TAPBP: variants seen among roughly 807,000 people sequenced by gnomAD.
The protein encoded by TAPBP is TAP binding protein.
In TAPBP, 38 loss-of-function variants were observed where a neutral mutation model predicts 45.7. The ratio of observed to expected loss-of-function variants is 0.83; its 90% CI spans 0.64 to 1.09. TAPBP has a LOEUF of 1.09. Ranked by LOEUF, TAPBP falls within the 50% of genes least tolerant of loss-of-function variation. The pLI, the probability that TAPBP is intolerant of heterozygous loss-of-function variation, is 0.00. For synonymous variants in TAPBP, 226 were observed against 254.8 expected (o/e 0.89, Z 1.08); for missense variants, 513 against 587.3 (o/e 0.87, Z 1.31).
At chr6:33,306,343 C>G (rs1009666505) in intron 3 of TAPBP, among the ~76,000 whole-genome samples, 1 of 152,228 alleles carries the variant, frequency 6.6e-6, no homozygotes, top group South Asian at 2.1e-4. Flanking sequence ...GTTACTCAGA[C>G]TCATTTATTC....
intron 7 of TAPBP, among the ~76,000 whole-genome samples, chr6:33,301,974 A>G: frequency 6.6e-6 from 1 of 152,106 alleles, no homozygotes; most frequent in Admixed American, 6.6e-5. Context: ...TAATCCTCCT[A>G]AAAGTCCTCT....
chr6:33,301,549 G>C lies in TAPBP; in HGVS notation c.*211C>G. On this transcript the variant is annotated 3_prime_UTR_variant, in exon 8 of 8. Coordinates refer to ENST00000434618, the MANE Select transcript of TAPBP (RefSeq NM_003190.5). The stretch of plus-strand genomic sequence containing the variant: ...AGATCATGCCACTGCACTGCAGCCT[G>C]GGCGGAAGAGTGAGACTCCGTCTCA... 1 of 586,080 alleles carries C rather than the reference G, an allele frequency of 1.7e-6. No homozygotes were observed. 36.3% of individuals were successfully genotyped at this position (586,080 alleles called of 1,614,324 possible). A position where few individuals can be genotyped will look rare whatever the true frequency, so the allele number is the denominator to read the frequency against.
chr6:33,311,760 A>G (rs1377966459), intron 3 of TAPBP, among the ~76,000 whole-genome samples: 2 of 152,188 alleles, frequency 1.3e-5, no homozygotes, highest in African/African-American at 2.4e-5. Flanking sequence ...CATGTCCTTC[A>G]CTTTCTACTT....
At position 33,305,476 on chromosome 6, in the gene TAPBP, G is replaced by A; in HGVS notation, c.470-89C>T. 1 of 1,369,820 alleles carries A rather than the reference G, an allele frequency of 7.3e-7. No homozygotes were observed. The highest frequency in any genetic ancestry group is 9.7e-7 in the Non-Finnish European group (1 of 1,028,820). 84.9% of individuals were successfully genotyped at this position (1,369,820 alleles called of 1,614,324 possible). ...ATAGAGAAATGCAGTTATTGGGGAG[G>A]GCTAAACTGCAGTTTACCCACCCCT... On this transcript the variant is annotated intron_variant, in intron 3 of 7. Coordinates refer to ENST00000434618, the MANE Select transcript of TAPBP (RefSeq NM_003190.5). The surrounding 1 kb of genome is among the most constrained non-coding windows in gnomAD (Gnocchi z 4.4).
intron 3 of TAPBP, among the ~76,000 whole-genome samples, chr6:33,306,750 G>A (rs1176118374): frequency 1.3e-5 from 2 of 152,164 alleles, no homozygotes; most frequent in Admixed American, 1.3e-4. Flanking sequence ...AGGACGAGGC[G>A]GGTGGATCAC....
rs765085409 is a variant in TAPBP, at chr6:33,313,445, G to C, written c.241C>G (p.Arg81Gly). The C allele has an allele frequency of 6.3e-7, 1 of 1,591,732 alleles. No homozygotes were observed. Among genetic ancestry groups the C allele is most frequent in the Non-Finnish European group, 8.6e-7 (1 of 1,166,004 alleles). The change falls in exon 3 of 8, where the codon CGG (arginine) becomes GGG (glycine). Residue 81 changes from arginine to glycine, a missense_variant. Physicochemically the swap from Arg to Gly is moderately radical, Grantham distance 125 (BLOSUM62 -2). Coordinates refer to ENST00000434618, the MANE Select transcript of TAPBP (RefSeq NM_003190.5). The surrounding 1 kb of genome is among the most constrained non-coding windows in gnomAD (Gnocchi z 7.2). ...PAGALQAAFR[R>G]YPRGAPAPHC... The stretch of plus-strand genomic sequence containing the variant: ...GGTGCGGGGGCGCCCCGGGGATACC[G>C]CCTGAAGGCAGCCTGGAGGGCGCCC...
chr6:33,303,655 A>AT, intron 7 of TAPBP: 4 of 1,299,690 alleles, frequency 3.1e-6, no homozygotes, highest in South Asian at 1.5e-5. Context: ...GTTTCTGCTT[A>AT]TTTTTTTAAT....
intron 3 of TAPBP, among the ~76,000 whole-genome samples, chr6:33,311,317 C>T (rs564363156): frequency 2.0e-5 from 3 of 151,466 alleles, no homozygotes; most frequent in South Asian, 2.1e-4. Flanking sequence ...AGGGAGACTC[C>T]GTCTCAAAAA....
rs1170609483 is a variant in TAPBP at position 33,314,074 on chromosome 6, T to A, written c.-33A>T. ...CGACCTCCTCAGCCATGAAGCCTCC[T>A]CTTCCTCCTTTCACTTTCACTTTCC... On this transcript the variant is annotated 5_prime_UTR_variant, in exon 1 of 8. Transcript: ENST00000434618. The A allele has an allele frequency of 6.2e-7, 1 of 1,610,730 alleles. No homozygotes were observed. Among genetic ancestry groups the A allele is most frequent in the Non-Finnish European group, 8.5e-7 (1 of 1,177,744 alleles).
chr6:33,302,951 C>G (rs1310792234), intron 7 of TAPBP, among the ~76,000 whole-genome samples: 2 of 152,078 alleles, frequency 1.3e-5, no homozygotes, highest in Admixed American at 1.3e-4. Context: ...CCTGTAATTT[C>G]TTATATTGTT....
chr6:33,313,857 C>G lies in TAPBP; in HGVS notation c.45G>C (p.Ala15=). 1 of 1,613,686 alleles carries G rather than the reference C, an allele frequency of 6.2e-7. No individual in the cohort carries two copies. Among genetic ancestry groups the G allele is most frequent in the Non-Finnish European group, 8.5e-7 (1 of 1,180,000 alleles). The change falls in exon 2 of 8, where the codon GCG becomes GCC. Residue 15 remains alanine (A), a synonymous_variant. Coordinates refer to ENST00000434618, the MANE Select transcript of TAPBP (RefSeq NM_003190.5). This position sits in a 1 kb window ranked among gnomAD's most constrained non-coding sequence, Gnocchi z 7.2. ...SLLLAVALGL[A]TAVSAGPAVI... is the part of the protein sequence containing the mutation. ...CCGCGGGTCCTGCTGAGACGGCGGT[C>G]GCCAGGCCTGGCGTATAGGGACGCG...
Position 33,301,645 on chromosome 6 carries a change from A to G in TAPBP, c.*115T>C. 1.1e-6 allele frequency: 1 copy of G among 872,548 alleles called. No homozygotes were observed. Among genetic ancestry groups the G allele is most frequent in the Non-Finnish European group, 1.8e-6 (1 of 542,808 alleles). 54.1% of individuals were successfully genotyped at this position (872,548 alleles called of 1,614,324 possible). ...AAAAAAAAAAGCATTCCAGCCACTC[A>G]GTGGAGAGAGATTGGAGGGATTAGG... is the stretch of plus-strand genomic sequence containing the variant. On this transcript the variant is annotated 3_prime_UTR_variant, in exon 8 of 8. Coordinates refer to ENST00000434618, the MANE Select transcript of TAPBP (RefSeq NM_003190.5).
intron 3 of TAPBP, among the ~76,000 whole-genome samples, chr6:33,310,256 A>T (rs1769255620): frequency 6.6e-6 from 1 of 151,758 alleles, no homozygotes; most frequent in Non-Finnish European, 1.5e-5. Flanking sequence ...CTGTAATCCC[A>T]GCAATTTGGG....
chr6:33,308,364 A>G (rs1769113055), intron 3 of TAPBP, among the ~76,000 whole-genome samples: 1 of 152,016 alleles, frequency 6.6e-6, no homozygotes, highest in Admixed American at 6.6e-5. Context: ...ACATAATAAA[A>G]ACAGGCTTTT....
chr6:33,312,758 G>A (rs1025801944), intron 3 of TAPBP, among the ~76,000 whole-genome samples: 1 of 152,244 alleles, frequency 6.6e-6, no homozygotes, highest in Non-Finnish European at 1.5e-5. Flanking sequence ...TGTGGGCGCA[G>A]GTGGGGATAG....
Position 33,313,837 on chromosome 6 carries a change from G to A in TAPBP, c.65C>T (p.Pro22Leu). 6.2e-7 allele frequency: 1 copy of A among 1,613,888 alleles called. No individual in the cohort carries two copies. ...CACGAACCAACACTCGATCACCGCG[G>A]GTCCTGCTGAGACGGCGGTCGCCAG... Reference protein sequence around the residue: ...LGLATAVSAGPAVIECWFVED... With the variant: ...LGLATAVSAGLAVIECWFVED... Residue 22 changes from proline (P) to leucine (L), a missense_variant, in exon 2 of 8, where the codon CCC becomes CTC. By Grantham distance (98) the Pro-to-Leu change is moderately conservative. Coordinates refer to ENST00000434618, the MANE Select transcript of TAPBP (RefSeq NM_003190.5). This position sits in a 1 kb window ranked among gnomAD's most constrained non-coding sequence, Gnocchi z 7.2.
rs1056271625 is a variant in TAPBP at position 33,300,197 on chromosome 6, A to C, written c.*1563T>G. 1.3e-5 allele frequency: 2 copies of C among 153,848 alleles called. No homozygotes were observed. The highest frequency in any genetic ancestry group is 3.9e-4 in the East Asian group (2 of 5,190). 9.5% of individuals were successfully genotyped at this position (153,848 alleles called of 1,614,324 possible). On this transcript the variant is annotated 3_prime_UTR_variant, in exon 8 of 8. Transcript: ENST00000434618. ...GAGCACCATCTAGGGCTGAAGAACT[A>C]GGCAGTGGCTCCAGCGCGGGGCGGT...
rs759356578 is a variant in TAPBP, at chr6:33,309,599, C to CTTTTTT, written c.469+3612_469+3617dup. 1.2e-4 allele frequency among the ~76,000 whole-genome samples: 11 copies of CTTTTTT among 91,454 alleles called. 1 individual carries two copies. The highest frequency in any genetic ancestry group is 3.1e-4 in the African/African-American group (7 of 22,778). The allele number at this position is 91,454 out of a possible 152,430, so 60.0% of individuals were successfully genotyped here. On this transcript the variant is annotated intron_variant, in intron 3 of 7. Coordinates refer to ENST00000434618, the MANE Select transcript of TAPBP (RefSeq NM_003190.5). Reference sequence around the variant, plus strand: ...GACCTAAAGGTTTTACAGTTTAACTCTTTTTTTTTTTTTTTTTTTTTTGGA... The same window carrying CTTTTTT: ...GACCTAAAGGTTTTACAGTTTAACTCTTTTTTTTTTTTTTTTTTTTTTTTTTTTGGA...
chr6:33,303,277 G>C (rs538999155), intron 7 of TAPBP, among the ~76,000 whole-genome samples: 31 of 152,222 alleles, frequency 2.0e-4, no homozygotes, highest in African/African-American at 7.0e-4. Context: ...AAATTAGCCA[G>C]GCGTGGTGGT....
Sources: allele counts gnomAD v4.1 joint callset (sites outside exome capture counted in the v4.1 genomes callset), GRCh38; gene constraint gnomAD v4.1.1; non-coding constraint Gnocchi (gnomAD v3.1); transcripts MANE v1.5; gene names NCBI Gene and HGNC (gene_info 2026-07-23, HGNC 2026-07-21).